The following ELOVL6 variants were observed in gnomAD, a reference collection of about 807,000 sequenced individuals.
ELOVL6 encodes very long chain fatty acid elongase 6.
In ELOVL6, 8 loss-of-function variants were observed where a neutral mutation model predicts 31.7. The ratio of observed to expected loss-of-function variants is 0.25; its 90% CI spans 0.15 to 0.45. The LOEUF (loss-of-function observed/expected upper bound fraction) is 0.45, where lower values mean the gene tolerates loss of function less well. Ranked by LOEUF, ELOVL6 falls within the 20% of genes least tolerant of loss-of-function variation. The pLI is 1.00. For missense variants in ELOVL6, 126 were observed against 326.4 expected (o/e 0.39, Z 4.73); for synonymous variants, 101 against 117.7 (o/e 0.86, Z 0.92).
intron 1 of ELOVL6, among the ~76,000 whole-genome samples, chr4:110,137,368 T>G (rs947217570): frequency 1.2e-4 from 18 of 152,102 alleles, no homozygotes; most frequent in African/African-American, 2.7e-4. Context: ...TGGGGCAAAG[T>G]CGTGACTAAC....
At position 110,094,454 on chromosome 4, in the gene ELOVL6, C is replaced by T. The variant is rs568666237; in HGVS notation, c.221+11043G>A. On this transcript the variant is annotated intron_variant, in intron 2 of 3. Coordinates refer to ENST00000302274, the MANE Select transcript of ELOVL6 (RefSeq NM_024090.3). Reference sequence around the variant, plus strand: ...ATATATATATATATAATATATATAACATAATATATATTACATATAAAATAT... The same window carrying T: ...ATATATATATATATAATATATATAATATAATATATATTACATATAAAATAT... 3.4e-4 allele frequency among the ~76,000 whole-genome samples: 25 copies of T among 73,894 alleles called. No homozygotes were observed. The South Asian group carries it at 8.4e-3, about 25-fold the overall frequency. 48.5% of individuals were successfully genotyped at this position (73,894 alleles called of 152,430 possible).
Position 110,117,191 on chromosome 4 carries a change from C to T in ELOVL6, c.90-11563G>A, listed in dbSNP as rs147339141. 1.6e-3 allele frequency among the ~76,000 whole-genome samples: 243 copies of T among 152,276 alleles called. 2 individuals carry two copies. Among genetic ancestry groups the T allele is most frequent in the Non-Finnish European group, 1.9e-3 (131 of 68,016 alleles). Reference sequence around the variant, plus strand: ...TGTAGAGGCCCTGGATGCCACAAGACAGCCCTCTGCAACCAAAAATTATCC... The same window carrying T: ...TGTAGAGGCCCTGGATGCCACAAGATAGCCCTCTGCAACCAAAAATTATCC... On this transcript the variant is annotated intron_variant, in intron 1 of 3. Coordinates refer to ENST00000302274, the MANE Select transcript of ELOVL6 (RefSeq NM_024090.3).
At chr4:110,125,788 C>T (rs754305104) in intron 1 of ELOVL6, among the ~76,000 whole-genome samples, 29 of 150,952 alleles carry the variant, frequency 1.9e-4, no homozygotes, top group Non-Finnish European at 4.0e-4. Flanking sequence ...GATGGCACCA[C>T]TGCACTCTAG....
chr4:110,097,174 C>T (rs1200685201), intron 2 of ELOVL6, among the ~76,000 whole-genome samples: 7 of 151,776 alleles, frequency 4.6e-5, no homozygotes, highest in African/African-American at 9.7e-5. Context: ...AGCGTGGTGG[C>T]GGGTGCCTGT....
intron 2 of ELOVL6, among the ~76,000 whole-genome samples, chr4:110,090,632 G>C (rs993343905): frequency 2.1e-5 from 2 of 96,600 alleles, no homozygotes; most frequent in Non-Finnish European, 4.2e-5. Flanking sequence ...ATGAGACGGA[G>C]TCTCGCTCTG....
Position 110,051,229 on chromosome 4 carries a change from A to ATGTTT in ELOVL6, c.*104_*108dup. ...GCTGCCTTGGGTTTTGTGTTTGCTC[A>ATGTTT]TGTTTTGTTTTGTTTTAGCTGCACC... On this transcript the variant is annotated 3_prime_UTR_variant, in exon 4 of 4. Coordinates refer to ENST00000302274, the MANE Select transcript of ELOVL6 (RefSeq NM_024090.3). The surrounding 1 kb of genome is among the most constrained non-coding windows in gnomAD (Gnocchi z 4.8). The ATGTTT allele has an allele frequency of 5.1e-6, 6 of 1,177,940 alleles. No homozygotes were observed. The highest frequency in any genetic ancestry group is 3.0e-4 in the Middle Eastern group (1 of 3,380). The allele number at this position is 1,177,940 out of a possible 1,614,324, so 73.0% of individuals were successfully genotyped here. A position where few individuals can be genotyped will look rare whatever the true frequency, so the allele number is the denominator to read the frequency against.
At chr4:110,129,298 C>G (rs1161078395) in intron 1 of ELOVL6, among the ~76,000 whole-genome samples, 1 of 152,184 alleles carries the variant, frequency 6.6e-6, no homozygotes, top group African/African-American at 2.4e-5. Flanking sequence ...AGCTGAGAAA[C>G]AGGGTGTTCC....
intron 1 of ELOVL6, among the ~76,000 whole-genome samples, chr4:110,187,539 A>G (rs1759486434): frequency 6.6e-6 from 1 of 151,866 alleles, no homozygotes; most frequent in Admixed American, 6.6e-5. Flanking sequence ...TACTAAAAAT[A>G]CAAAAAATTA....
chr4:110,087,647 C>T (rs1756304913), intron 2 of ELOVL6, among the ~76,000 whole-genome samples: 1 of 152,168 alleles, frequency 6.6e-6, no homozygotes, highest in Admixed American at 6.5e-5. Context: ...TTAGTTTGCA[C>T]CTGTCATTAA....
At chr4:110,087,123 T>C (rs1459408860) in intron 2 of ELOVL6, among the ~76,000 whole-genome samples, 1 of 151,980 alleles carries the variant, frequency 6.6e-6, no homozygotes. Context: ...AGATATGAAG[T>C]TTTTAGAACA....
intron 1 of ELOVL6, among the ~76,000 whole-genome samples, chr4:110,180,499 C>T (rs1459214771): frequency 6.6e-6 from 1 of 152,206 alleles, no homozygotes; most frequent in Non-Finnish European, 1.5e-5. Context: ...CCTCCTGCTT[C>T]AGCCTCCCAA....
Position 110,047,916 on chromosome 4 carries a change from AAG to A in ELOVL6, c.*3420_*3421del, listed in dbSNP as rs1355594972. 1 of 150,280 alleles carries A rather than the reference AAG, an allele frequency of 6.7e-6. No homozygotes were observed. The highest frequency in any genetic ancestry group is 6.6e-5 in the Admixed American group (1 of 15,048). 9.3% of individuals were successfully genotyped at this position (150,280 alleles called of 1,614,324 possible). A position where few individuals can be genotyped will look rare whatever the true frequency, so the allele number is the denominator to read the frequency against. On this transcript the variant is annotated 3_prime_UTR_variant, in exon 4 of 4. Transcript: ENST00000302274. ...AAAAAAAAAAAAAAAAAAAAAAAGAAAGACATTCTGTGGGTCTCTTTCTGTTC... is the reference window on the plus strand; with the variant it reads ...AAAAAAAAAAAAAAAAAAAAAAAGAAACATTCTGTGGGTCTCTTTCTGTTC...
At chr4:110,146,852 T>A (rs976291096) in intron 1 of ELOVL6, 1 of 152,440 alleles carries the variant, frequency 6.6e-6, no homozygotes, top group East Asian at 1.9e-4. Flanking sequence ...TAGCTGGGCA[T>A]CCTGGTGGGC....
chr4:110,161,334 A>G (rs891546230), intron 1 of ELOVL6, among the ~76,000 whole-genome samples: 2 of 152,210 alleles, frequency 1.3e-5, no homozygotes, highest in African/African-American at 4.8e-5. Context: ...AAAAAAATAT[A>G]TAGTCAATCC....
chr4:110,059,502 C>T, intron 3 of ELOVL6, 101 bp downstream of exon 3: 10 of 1,296,120 alleles, frequency 7.7e-6, no homozygotes, highest in Non-Finnish European at 1.0e-5. Context: ...TTTCTTGCAA[C>T]CAACAAAATA....
chr4:110,094,446 A>ATATAT (rs1756520702), intron 2 of ELOVL6, among the ~76,000 whole-genome samples: 4 of 13,596 alleles, frequency 2.9e-4, no homozygotes, highest in South Asian at 5.9e-3. Flanking sequence ...TATATATAAT[A>ATATAT]TATATAACAT....
chr4:110,061,710 C>T (rs1578445903), intron 2 of ELOVL6, among the ~76,000 whole-genome samples: 1 of 151,924 alleles, frequency 6.6e-6, no homozygotes, highest in East Asian at 1.9e-4. Flanking sequence ...GCATGCACCA[C>T]CATGCCAGGC....
intron 1 of ELOVL6, among the ~76,000 whole-genome samples, chr4:110,192,573 T>C (rs1050770247): frequency 6.6e-6 from 1 of 152,196 alleles, no homozygotes; most frequent in Non-Finnish European, 1.5e-5. Context: ...CTAGTACAAA[T>C]ACACAGATGG....
In ELOVL6 at chr4:110,046,189, C is replaced by T. The variant is rs996254924; in HGVS notation, c.*5149G>A. 3.3e-5 allele frequency: 5 copies of T among 152,200 alleles called. No homozygotes were observed. Among genetic ancestry groups the T allele is most frequent in the East Asian group, 1.9e-4 (1 of 5,190 alleles). The allele number at this position is 152,200 out of a possible 1,614,324, so 9.4% of individuals were successfully genotyped here. On this transcript the variant is annotated 3_prime_UTR_variant, in exon 4 of 4. Coordinates refer to ENST00000302274, the MANE Select transcript of ELOVL6 (RefSeq NM_024090.3). Reference sequence around the variant, plus strand: ...GATGGAAATAAAGTCTCAAGTGCTACTAAGCATTGGGAAAGTAACAGCATT... The same window carrying T: ...GATGGAAATAAAGTCTCAAGTGCTATTAAGCATTGGGAAAGTAACAGCATT...
Sources: allele counts gnomAD v4.1 joint callset (sites outside exome capture counted in the v4.1 genomes callset), GRCh38; gene constraint gnomAD v4.1.1; non-coding constraint Gnocchi (gnomAD v3.1); transcripts MANE v1.5; gene names NCBI Gene and HGNC (gene_info 2026-07-23, HGNC 2026-07-21).